The following C12orf54 variants were observed in gnomAD, a reference collection of about 807,000 sequenced individuals.
The protein encoded by C12orf54 is uncharacterized protein C12orf54.
In C12orf54, 24 loss-of-function variants were observed where a neutral mutation model predicts 26.4. The observed-to-expected ratio is 0.91, with a 90% CI of 0.66 to 1.28. C12orf54 has a LOEUF of 1.28. C12orf54 is among the 50% of genes most tolerant of loss of function. The pLI, the probability that C12orf54 is intolerant of heterozygous loss-of-function variation, is 0.00. For synonymous variants in C12orf54, 54 were observed against 47.0 expected, an observed-to-expected ratio of 1.15 and a Z score of -0.61; for missense variants, 154 against 150.9, an observed-to-expected ratio of 1.02 and a Z score of -0.11.
chr12:48,447,572 C>A, the C12orf54 span, among the ~76,000 whole-genome samples: 1 of 152,084 alleles, frequency 6.6e-6, no homozygotes, highest in African/African-American at 2.4e-5. Context: ...GAACTGAAGT[C>A]TTTTTTATAC....
At chr12:48,446,228 A>G in the C12orf54 span, among the ~76,000 whole-genome samples, 1 of 152,174 alleles carries the variant, frequency 6.6e-6, no homozygotes, top group East Asian at 1.9e-4. Flanking sequence ...CCTTTTTTGC[A>G]TAAAGAGAAA....
chr12:48,450,936 C>CA, the C12orf54 span, among the ~76,000 whole-genome samples: 55 of 152,012 alleles, frequency 3.6e-4, no homozygotes, highest in Middle Eastern at 3.4e-3. Flanking sequence ...AAAACTATTA[C>CA]AAAAAATGGA....
the C12orf54 span, among the ~76,000 whole-genome samples, chr12:48,467,861 GT>G: frequency 6.6e-6 from 1 of 152,132 alleles, no homozygotes; most frequent in South Asian, 2.1e-4. Flanking sequence ...GGGGGGCCAT[GT>G]AACAACTTAG....
chr12:48,455,694 A>T, the C12orf54 span, among the ~76,000 whole-genome samples: 1 of 152,340 alleles, frequency 6.6e-6, no homozygotes, highest in South Asian at 2.1e-4. Flanking sequence ...TGTACAGAAG[A>T]GCTAACAGGC....
the C12orf54 span, among the ~76,000 whole-genome samples, chr12:48,417,639 A>T: frequency 6.6e-6 from 1 of 152,152 alleles, no homozygotes; most frequent in Non-Finnish European, 1.5e-5. Flanking sequence ...ACAAGGGTAT[A>T]TTGTGTGATG....
chr12:48,442,243 G>GCTTT, the C12orf54 span: 2 of 203,796 alleles, frequency 9.8e-6, no homozygotes, highest in Middle Eastern at 5.3e-4. Flanking sequence ...AGGTGGAGAA[G>GCTTT]GCTTTGCTTC....
rs758141471 is a variant in C12orf54 at position 48,486,191 on chromosome 12, G to A, written c.79G>A (p.Glu27Lys). 2 of 1,611,136 alleles carry A rather than the reference G, an allele frequency of 1.2e-6. No individual in the cohort carries two copies. The highest frequency in any genetic ancestry group is 1.7e-6 in the Non-Finnish European group (2 of 1,177,290). Residue 27 changes from glutamate (E) to lysine (K), a missense_variant, in exon 3 of 9, where the codon GAG (glutamate) becomes AAG (lysine). Physicochemically the swap from Glu to Lys is moderately conservative, Grantham distance 56. Coordinates refer to ENST00000548364, the MANE Select transcript of C12orf54 (RefSeq NM_152319.4). ...CTTTCTTTGCAGCACATCCATAGAA[G>A]AGACAATGAGACCACAGGTGGGTAA... is the stretch of plus-strand genomic sequence containing the variant. ...SKQQRSTSIE[E>K]TMRPQEKQVT...
chr12:48,469,368 G>A, the C12orf54 span, among the ~76,000 whole-genome samples: 2 of 152,098 alleles, frequency 1.3e-5, no homozygotes, highest in African/African-American at 4.8e-5. Context: ...AGAATTCCGC[G>A]ATATTTCCTA....
the C12orf54 span, among the ~76,000 whole-genome samples, chr12:48,419,923 G>A: frequency 2.0e-5 from 3 of 152,328 alleles, no homozygotes; most frequent in East Asian, 1.9e-4. Flanking sequence ...CGCATGCCAG[G>A]AGCCTTCCAG....
At chr12:48,479,743 CAT>C (rs1198867594), upstream of C12orf54, among the ~76,000 whole-genome samples, 1 of 151,922 alleles carries the variant, frequency 6.6e-6, no homozygotes, top group East Asian at 1.9e-4. Context: ...TCATAAGTGA[CAT>C]GTAATTTCTG....
chr12:48,495,521 C>T (rs902491978), intron 8 of C12orf54: 1 of 152,682 alleles, frequency 6.5e-6, no homozygotes, highest in Non-Finnish European at 1.5e-5. Context: ...CAGGCCATTT[C>T]CTCAACCCTT....
chr12:48,434,280 G>C, the C12orf54 span, among the ~76,000 whole-genome samples: 1 of 152,246 alleles, frequency 6.6e-6, no homozygotes, highest in Admixed American at 6.5e-5. Context: ...CGAACTGGGT[G>C]CAGCCCACCA....
Position 48,494,932 on chromosome 12 carries a change from G to C in C12orf54, c.377G>C (p.Gly126Ala). The C allele has an allele frequency of 3.1e-6, 5 of 1,613,252 alleles. No homozygotes were observed. The highest frequency in any genetic ancestry group is 4.2e-6 in the Non-Finnish European group (5 of 1,179,282). ...TTCAGTCAATCAGCTTACTACCCTG[G>C]ACCCTAACTCTACAATCAAGGAAGA... ...QLFSQSAYYP[G>A]P is the part of the protein sequence containing the mutation. The change falls in exon 8 of 9, where the codon GGA becomes GCA. Residue 126 changes from glycine to alanine, a missense_variant. Physicochemically the swap from Gly to Ala is moderately conservative, Grantham distance 60. Coordinates refer to ENST00000548364, the MANE Select transcript of C12orf54 (RefSeq NM_152319.4).
At chr12:48,426,686 G>A in the C12orf54 span, among the ~76,000 whole-genome samples, 2 of 152,096 alleles carry the variant, frequency 1.3e-5, no homozygotes, top group East Asian at 1.9e-4. Flanking sequence ...TATAGTCATT[G>A]TAATGATATT....
the C12orf54 span, among the ~76,000 whole-genome samples, chr12:48,438,902 A>C: frequency 6.6e-6 from 1 of 152,148 alleles, no homozygotes; most frequent in African/African-American, 2.4e-5. Context: ...CAAAATGACA[A>C]ATGGGATCTA....
At chr12:48,486,372 G>A (rs937844330) in intron 3 of C12orf54, 164 bp downstream of exon 3, 64 of 684,760 alleles carry the variant, frequency 9.3e-5, no homozygotes, top group Non-Finnish European at 1.6e-4. Flanking sequence ...ACCAAACCAG[G>A]TAACGTCTCC....
chr12:48,458,707 G>A, the C12orf54 span, among the ~76,000 whole-genome samples: 5 of 150,354 alleles, frequency 3.3e-5, no homozygotes, highest in Non-Finnish European at 7.4e-5. Context: ...CCTGACACCT[G>A]CTCCACAGAG....
the C12orf54 span, among the ~76,000 whole-genome samples, chr12:48,418,379 T>A: frequency 2.0e-5 from 3 of 152,352 alleles, no homozygotes; most frequent in African/African-American, 4.8e-5. Context: ...GTCTATTCAA[T>A]ATTTTTATTA....
the C12orf54 span, among the ~76,000 whole-genome samples, chr12:48,464,271 C>T: frequency 1.3e-5 from 2 of 152,054 alleles, no homozygotes; most frequent in Non-Finnish European, 2.9e-5. Context: ...CATTTCTATA[C>T]ACCAATAACA....
Sources: allele counts gnomAD v4.1 joint callset (sites outside exome capture counted in the v4.1 genomes callset), GRCh38; gene constraint gnomAD v4.1.1; transcripts MANE v1.5; gene names NCBI Gene and HGNC (gene_info 2026-07-23, HGNC 2026-07-21).